Variants in PTPRT observed in about 807,000 individuals in gnomAD.
The protein encoded by PTPRT is receptor-type tyrosine-protein phosphatase T.
Under a neutral mutation model 176.8 loss-of-function variants are expected in PTPRT, and 56 were observed. That is an observed-to-expected ratio of 0.32 (90% confidence interval 0.26 to 0.40). The LOEUF is 0.40. PTPRT is among the 10% of genes least tolerant of loss of function. The probability of loss-of-function intolerance (pLI) is 1.00; values close to 1 mark genes in which losing one functional copy is unlikely to be tolerated. For synonymous variants in PTPRT, 783 were observed against 739.0 expected, an observed-to-expected ratio of 1.06 and a Z score of -0.96; for missense variants, 1,540 against 1,908.2, an observed-to-expected ratio of 0.81 and a Z score of 3.60.
At chr20:42,216,362 A>AT (rs1256424848) in intron 15 of PTPRT, among the ~76,000 whole-genome samples, 1 of 152,324 alleles carries the variant, frequency 6.6e-6, no homozygotes. Context: ...CCTTACATAG[A>AT]TTTTGGAACA....
Position 43,067,140 on chromosome 20 carries a change from T to G in PTPRT, c.88+122506A>C, listed in dbSNP as rs141160896. ...GGCATAGCCATATGAAATATTCTTCTGCCATAAAAAGGAAGTACCGACACA... is the reference window on the plus strand; with the variant it reads ...GGCATAGCCATATGAAATATTCTTCGGCCATAAAAAGGAAGTACCGACACA... On this transcript the variant is annotated intron_variant, in intron 1 of 30. Coordinates refer to ENST00000373187, the MANE Select transcript of PTPRT (RefSeq NM_007050.6). Among the ~76,000 whole-genome samples the G allele has an allele frequency of 1.8e-3, 275 of 152,334 alleles. 2 individuals carry two copies. The Middle Eastern group carries it at 0.02, about 11-fold the overall frequency.
chr20:42,808,328 G>A (rs963577707), intron 2 of PTPRT, among the ~76,000 whole-genome samples: 1 of 152,164 alleles, frequency 6.6e-6, no homozygotes, highest in African/African-American at 2.4e-5. Context: ...TGGGTCTGGG[G>A]AAGCAAGTTG....
chr20:42,783,386 A>AC (rs1569154399), intron 3 of PTPRT, among the ~76,000 whole-genome samples: 66 of 145,098 alleles, frequency 4.5e-4, no homozygotes, highest in African/African-American at 1.6e-3. Context: ...AAAAAAAAAA[A>AC]CCCAAATCAT....
chr20:43,014,211 T>C lies in PTPRT; in HGVS notation c.89-128279A>G, dbSNP rs867396090. 2.6e-5 allele frequency among the ~76,000 whole-genome samples: 4 copies of C among 152,210 alleles called. 1 individual carries two copies. The highest frequency in any genetic ancestry group is 4.1e-4 in the South Asian group (2 of 4,832). Reference sequence around the variant, plus strand: ...CATGGCACTTCCCTGACATGACTCCTGGCCATTCACTCTGATGGCTGGAAC... The same window carrying C: ...CATGGCACTTCCCTGACATGACTCCCGGCCATTCACTCTGATGGCTGGAAC... On this transcript the variant is annotated intron_variant, in intron 1 of 30. Coordinates refer to ENST00000373187, the MANE Select transcript of PTPRT (RefSeq NM_007050.6).
At chr20:42,700,005 T>C (rs1429495882) in intron 6 of PTPRT, among the ~76,000 whole-genome samples, 2 of 152,134 alleles carry the variant, frequency 1.3e-5, no homozygotes, top group African/African-American at 2.4e-5. Context: ...TCTTGATCCT[T>C]CTCCCTGACA....
intron 1 of PTPRT, among the ~76,000 whole-genome samples, chr20:43,043,439 G>T (rs1016651967): frequency 2.6e-5 from 4 of 152,192 alleles, no homozygotes; most frequent in African/African-American, 9.6e-5. Flanking sequence ...ATTTTATTGT[G>T]TGCTAGATAT....
chr20:42,615,227 A>T (rs1287043924), intron 7 of PTPRT, among the ~76,000 whole-genome samples: 19 of 133,440 alleles, frequency 1.4e-4, no homozygotes, highest in Admixed American at 1.4e-3. Context: ...GAGAATGATG[A>T]TTTCCAATTT....
At position 42,833,637 on chromosome 20, in the gene PTPRT, T is replaced by C. The variant is rs148815061; in HGVS notation, c.215-42171A>G. Among the ~76,000 whole-genome samples, 477 of 151,978 alleles carry C rather than the reference T, an allele frequency of 3.1e-3. 4 individuals carry two copies. The highest frequency in any genetic ancestry group is 0.011 in the African/African-American group (453 of 41,436). Reference sequence around the variant, plus strand: ...AAGATAAAAGCAGACATATGTCTCATATAAAAGATAAGGAATCAGAATGGC... The same window carrying C: ...AAGATAAAAGCAGACATATGTCTCACATAAAAGATAAGGAATCAGAATGGC... On this transcript the variant is annotated intron_variant, in intron 2 of 30. Transcript: ENST00000373187.
intron 19 of PTPRT, among the ~76,000 whole-genome samples, chr20:42,127,404 T>TTC (rs1323103723): frequency 5.3e-4 from 80 of 151,452 alleles, no homozygotes; most frequent in Middle Eastern, 3.4e-3. Flanking sequence ...CTCTCTCTCT[T>TTC]TCTCTCTCTC....
intron 1 of PTPRT, among the ~76,000 whole-genome samples, chr20:43,117,728 C>T (rs1184890486): frequency 1.3e-5 from 2 of 152,220 alleles, no homozygotes; most frequent in Non-Finnish European, 2.9e-5. Context: ...TTACACCAAA[C>T]ACTTCCAAAA....
chr20:42,621,884 T>G (rs891215014), intron 7 of PTPRT, among the ~76,000 whole-genome samples: 5 of 129,020 alleles, frequency 3.9e-5, no homozygotes, highest in African/African-American at 1.7e-4. Flanking sequence ...GAACAGCTAA[T>G]AGCAGTAGGC....
At chr20:42,378,744 C>T (rs1448947354) in intron 9 of PTPRT, among the ~76,000 whole-genome samples, 2 of 152,166 alleles carry the variant, frequency 1.3e-5, no homozygotes, top group Non-Finnish European at 2.9e-5. Flanking sequence ...AGTTTTATGA[C>T]CTGCAAATTA....
chr20:42,120,167 T>C (rs955706585), intron 19 of PTPRT, among the ~76,000 whole-genome samples, 196 bp from the exon 20 acceptor site: 1 of 151,382 alleles, frequency 6.6e-6, no homozygotes, highest in Non-Finnish European at 1.5e-5. Context: ...AAATGCTAGC[T>C]ATTTTTATAG....
At chr20:43,079,710 A>G (rs926148253) in intron 1 of PTPRT, among the ~76,000 whole-genome samples, 3 of 152,156 alleles carry the variant, frequency 2.0e-5, no homozygotes, top group African/African-American at 7.2e-5. Flanking sequence ...TAATTTTCAT[A>G]TGTTTATATT....
intron 2 of PTPRT, among the ~76,000 whole-genome samples, chr20:42,824,589 C>A (rs1240934061): frequency 6.6e-6 from 1 of 151,910 alleles, no homozygotes; most frequent in Non-Finnish European, 1.5e-5. Flanking sequence ...GACTTAGATT[C>A]TATTCACATG....
chr20:43,134,849 T>G (rs867443791), intron 1 of PTPRT, among the ~76,000 whole-genome samples: 7 of 152,220 alleles, frequency 4.6e-5, no homozygotes, highest in Non-Finnish European at 1.0e-4. Flanking sequence ...TCTGTTAGAC[T>G]AAGGGTTTAT....
Position 42,269,458 on chromosome 20 carries a change from C to T in PTPRT, c.2176+13031G>A, listed in dbSNP as rs370245208. On this transcript the variant is annotated intron_variant, in intron 13 of 30. Coordinates refer to ENST00000373187, the MANE Select transcript of PTPRT (RefSeq NM_007050.6). ...GTGACAGTTAAAGGTTTGAAATCTC[C>T]AAGAAACTTCCCATTGACTAAAAAG... Among the ~76,000 whole-genome samples, 26 of 152,286 alleles carry T rather than the reference C, an allele frequency of 1.7e-4. 1 individual carries two copies. The highest frequency in any genetic ancestry group is 6.3e-4 in the African/African-American group (26 of 41,552).
intron 8 of PTPRT, among the ~76,000 whole-genome samples, chr20:42,458,088 C>T (rs1568897443): frequency 6.6e-6 from 1 of 152,162 alleles, no homozygotes; most frequent in Non-Finnish European, 1.5e-5. Flanking sequence ...GTTTTCTTTC[C>T]AGGCAGTCTC....
chr20:42,590,170 G>A (rs1271153532), intron 7 of PTPRT, among the ~76,000 whole-genome samples: 2 of 152,130 alleles, frequency 1.3e-5, no homozygotes, highest in Non-Finnish European at 2.9e-5. Context: ...CCAGCTAACA[G>A]CCCCAGTTGA....
Sources: gnomAD v4.1 joint callset for allele counts (sites outside exome capture counted in the v4.1 genomes callset) on GRCh38, gnomAD v4.1.1 for gene constraint, MANE v1.5 for transcripts, NCBI Gene and HGNC (gene_info 2026-07-23, HGNC 2026-07-21) for gene names.